Variants in EYA2 observed in about 807,000 individuals in gnomAD.
EYA2 encodes the protein protein phosphatase EYA2.
In EYA2, 31 loss-of-function variants were observed where a neutral mutation model predicts 69.2. The observed-to-expected ratio is 0.45, with a 90% CI of 0.34 to 0.60. EYA2 has a LOEUF of 0.60. EYA2 is among the 20% of genes least tolerant of loss of function. The pLI is 0.02. For missense variants in EYA2, 622 were observed against 701.2 expected (o/e 0.89, Z 1.28); for synonymous variants, 257 against 279.4 (o/e 0.92, Z 0.80).
chr20:47,044,323 G>A (rs1348479504), intron 5 of EYA2, among the ~76,000 whole-genome samples: 1 of 152,128 alleles, frequency 6.6e-6, no homozygotes, highest in Non-Finnish European at 1.5e-5. Context: ...CATTCATTCA[G>A]CATATGTTGG....
intron 5 of EYA2, among the ~76,000 whole-genome samples, chr20:47,022,560 C>T (rs1043107094): frequency 2.0e-4 from 30 of 152,082 alleles, no homozygotes; most frequent in African/African-American, 6.8e-4. Flanking sequence ...GTGATCCGCC[C>T]ACCTCAGCCC....
At chr20:46,900,020 G>T (rs1219211407) in intron 1 of EYA2, among the ~76,000 whole-genome samples, 1 of 152,102 alleles carries the variant, frequency 6.6e-6, no homozygotes, top group Admixed American at 6.6e-5. Context: ...TTTGTCATTT[G>T]GTATCAATAG....
chr20:47,070,451 T>C (rs533960832), intron 5 of EYA2, among the ~76,000 whole-genome samples: 117 of 152,310 alleles, frequency 7.7e-4, no homozygotes, highest in Non-Finnish European at 1.3e-3. Context: ...GAATGTAAAA[T>C]GGCACAGCCA....
intron 2 of EYA2, among the ~76,000 whole-genome samples, chr20:46,995,243 A>T (rs1270478652): frequency 1.3e-5 from 2 of 152,242 alleles, no homozygotes; most frequent in Non-Finnish European, 2.9e-5. Context: ...AATTCATTTT[A>T]AAAGGATGAC....
chr20:46,915,311 A>G (rs527304664), intron 1 of EYA2, among the ~76,000 whole-genome samples: 3 of 152,144 alleles, frequency 2.0e-5, no homozygotes, highest in African/African-American at 7.2e-5. Flanking sequence ...GAAGAGAAAC[A>G]TTTCTCGTTG....
intron 4 of EYA2, among the ~76,000 whole-genome samples, chr20:47,013,648 T>C (rs1336066111): frequency 1.3e-5 from 2 of 152,162 alleles, no homozygotes; most frequent in African/African-American, 4.8e-5. Context: ...ACAGAGTGTC[T>C]GAGCATATGG....
chr20:46,934,319 T>C (rs6066127), intron 1 of EYA2, among the ~76,000 whole-genome samples: 3,612 of 151,682 alleles, frequency 0.024, 56 homozygotes, highest in Middle Eastern at 0.062. Flanking sequence ...GTCTCTTGGC[T>C]CTGTTTTCCT....
intron 5 of EYA2, among the ~76,000 whole-genome samples, chr20:47,030,172 G>A (rs1313654442): frequency 6.6e-6 from 1 of 152,200 alleles, no homozygotes; most frequent in East Asian, 1.9e-4. Context: ...CTGCCTGAAT[G>A]TTTGGTTGGA....
In EYA2 at chr20:47,130,261, C is replaced by CT. The variant is rs74178703; in HGVS notation, c.889-12777dup. ...AAAGAAATAAAAGAAGGTTTATTTTCTTTTTTTTTTTTTTTTTTTTTGAGA... is the reference window on the plus strand; with the variant it reads ...AAAGAAATAAAAGAAGGTTTATTTTCTTTTTTTTTTTTTTTTTTTTTTGAGA... On this transcript the variant is annotated intron_variant, in intron 9 of 15. Coordinates refer to ENST00000327619, the MANE Select transcript of EYA2 (RefSeq NM_005244.5). 9.7e-3 allele frequency among the ~76,000 whole-genome samples: 785 copies of CT among 81,210 alleles called. 99 individuals are homozygous for CT. Among genetic ancestry groups the CT allele is most frequent in the East Asian group, 0.063 (164 of 2,622 alleles). 53.3% of individuals were successfully genotyped at this position (81,210 alleles called of 152,430 possible).
chr20:46,907,714 C>T (rs1213186826), intron 1 of EYA2, among the ~76,000 whole-genome samples: 6 of 152,206 alleles, frequency 3.9e-5, no homozygotes, highest in Admixed American at 3.9e-4. Context: ...TGGCCCGCAT[C>T]TGTAGTCCCA....
intron 1 of EYA2, among the ~76,000 whole-genome samples, chr20:46,969,431 T>G (rs887718539): frequency 2.0e-5 from 3 of 152,228 alleles, no homozygotes; most frequent in African/African-American, 7.2e-5. Flanking sequence ...TTCTCTGTAG[T>G]ATTTGTTGAC....
chr20:46,903,425 C>T (rs892816486), intron 1 of EYA2, among the ~76,000 whole-genome samples: 7 of 152,244 alleles, frequency 4.6e-5, no homozygotes, highest in Non-Finnish European at 4.4e-5. Flanking sequence ...CCGACAGCAA[C>T]TCTCTGCTTC....
At chr20:47,157,450 A>G (rs1049759042) in intron 10 of EYA2, among the ~76,000 whole-genome samples, 3 of 151,372 alleles carry the variant, frequency 2.0e-5, no homozygotes, top group African/African-American at 4.8e-5. Context: ...CCTAAATGAC[A>G]TTTGTTAGAA....
intron 7 of EYA2, among the ~76,000 whole-genome samples, chr20:47,087,053 C>CAAAA: frequency 6.6e-6 from 1 of 152,226 alleles, no homozygotes; most frequent in South Asian, 2.1e-4. Context: ...AGTCTTTGCT[C>CAAAA]ACTCAATGTT....
chr20:47,161,762 T>A (rs3092680), intron 10 of EYA2: 27,892 of 174,088 alleles, frequency 0.16, 2,337 homozygotes, highest in African/African-American at 0.21. Flanking sequence ...TGACCCATCA[T>A]TGTCTGATGC....
chr20:46,908,280 A>C (rs998891022), intron 1 of EYA2, among the ~76,000 whole-genome samples: 1 of 152,258 alleles, frequency 6.6e-6, no homozygotes, highest in African/African-American at 2.4e-5. Flanking sequence ...ATATCAAATG[A>C]TAAGTCCATG....
intron 9 of EYA2, among the ~76,000 whole-genome samples, chr20:47,098,829 C>G (rs1023241511): frequency 6.6e-6 from 1 of 152,196 alleles, no homozygotes; most frequent in African/African-American, 2.4e-5. Context: ...AGTGGCTTCC[C>G]CATTGACAAG....
intron 1 of EYA2, among the ~76,000 whole-genome samples, chr20:46,898,381 C>A (rs1983917635): frequency 7.8e-6 from 1 of 128,524 alleles, no homozygotes. Flanking sequence ...GAAAACACAG[C>A]CTGTTGACAG....
intron 1 of EYA2, among the ~76,000 whole-genome samples, chr20:46,918,110 G>A (rs991683158): frequency 5.9e-5 from 9 of 152,060 alleles, no homozygotes; most frequent in African/African-American, 2.2e-4. Flanking sequence ...CCTGAGGTCA[G>A]GAGATCGAGA....
Sources: allele counts gnomAD v4.1 joint callset (sites outside exome capture counted in the v4.1 genomes callset), GRCh38; gene constraint gnomAD v4.1.1; transcripts MANE v1.5; gene names NCBI Gene and HGNC (gene_info 2026-07-23, HGNC 2026-07-21).